PSTPIP2: variants seen among roughly 807,000 people sequenced by gnomAD.
The protein encoded by PSTPIP2 is proline-serine-threonine phosphatase interacting protein 2.
PSTPIP2 carries 33 observed loss-of-function variants against 63.3 expected under a neutral mutation model. That is an observed-to-expected ratio of 0.52 (90% CI 0.40 to 0.70). PSTPIP2 has a LOEUF of 0.70. Among genes scored for constraint, PSTPIP2 ranks in the 30% least tolerant of loss-of-function variants. PSTPIP2 has a pLI of 0.00. For synonymous variants in PSTPIP2, 125 were observed against 132.7 expected (o/e 0.94, Z 0.40); for missense variants, 312 against 400.7 (o/e 0.78, Z 1.89).
intron 8 of PSTPIP2, 24 bp from the exon 9 acceptor site, chr18:45,997,852 G>T: frequency 6.2e-7 from 1 of 1,604,778 alleles, no homozygotes. Flanking sequence ...GAGAGACCTG[G>T]GTCAGAAACT....
rs778732813 is a variant in PSTPIP2, at chr18:45,991,886, G to T, written c.920+16C>A. 1 of 1,567,728 alleles carries T rather than the reference G, an allele frequency of 6.4e-7. No homozygotes were observed. Among genetic ancestry groups the T allele is most frequent in the Admixed American group, 1.8e-5 (1 of 56,592 alleles). ...TAAAAGTATTTTTCTTCATATGAAA[G>T]GCAGCTGGTTATTACCTTGCCAAGT... On this transcript the variant is annotated intron_variant, in intron 12 of 14. Coordinates refer to ENST00000409746, the MANE Select transcript of PSTPIP2 (RefSeq NM_024430.4).
chr18:46,061,814 A>G (rs562940748), intron 1 of PSTPIP2, among the ~76,000 whole-genome samples: 1 of 152,308 alleles, frequency 6.6e-6, no homozygotes, highest in East Asian at 1.9e-4. Flanking sequence ...TGGGACAGAG[A>G]AAACAATATC....
At position 45,997,834 on chromosome 18, in the gene PSTPIP2, A is replaced by G; in HGVS notation, c.563-6T>C. ...GTGCAGCATGTATGCTTTGTCTGCA[A>G]CAGAAGGGAGAGACCTGGGTCAGAA... is the stretch of plus-strand genomic sequence containing the variant. On this transcript the variant is annotated splice_region_variant and splice_polypyrimidine_tract_variant and intron_variant, in intron 8 of 14. Coordinates refer to ENST00000409746, the MANE Select transcript of PSTPIP2 (RefSeq NM_024430.4). 6.2e-7 allele frequency: 1 copy of G among 1,608,324 alleles called. No individual in the cohort carries two copies. Among genetic ancestry groups the G allele is most frequent in the South Asian group, 1.1e-5 (1 of 90,926 alleles).
At position 46,067,466 on chromosome 18, in the gene PSTPIP2, G is replaced by A. The variant is rs1158699214; in HGVS notation, c.33+4690C>T. On this transcript the variant is annotated intron_variant, in intron 1 of 14. Transcript: ENST00000409746. Reference sequence around the variant, plus strand: ...TGCAGTGACCCGAGATCGCACCACTGGACTCCAGCCTGGGCAACAGGGCGA... The same window carrying A: ...TGCAGTGACCCGAGATCGCACCACTAGACTCCAGCCTGGGCAACAGGGCGA... 4.1e-5 allele frequency among the ~76,000 whole-genome samples: 6 copies of A among 147,566 alleles called. No individual in the cohort carries two copies. In the Admixed American group the frequency reaches 4.1e-4, roughly 10 times the overall value.
intron 2 of PSTPIP2, among the ~76,000 whole-genome samples, chr18:46,037,308 C>T (rs1242556048): frequency 6.6e-6 from 1 of 152,018 alleles, no homozygotes; most frequent in East Asian, 1.9e-4. Flanking sequence ...ACACCATGCC[C>T]AGCTAATTTT....
chr18:46,051,915 C>A (rs1005556333), intron 1 of PSTPIP2, among the ~76,000 whole-genome samples: 1 of 152,156 alleles, frequency 6.6e-6, no homozygotes, highest in African/African-American at 2.4e-5. Flanking sequence ...ATCATATTAC[C>A]GGGCAAATCA....
At chr18:46,008,955 T>G (rs1189563950) in intron 5 of PSTPIP2, among the ~76,000 whole-genome samples, 1 of 152,148 alleles carries the variant, frequency 6.6e-6, no homozygotes, top group Non-Finnish European at 1.5e-5. Flanking sequence ...GTCCTTCTTT[T>G]GGGAGGCCTT....
chr18:46,047,844 G>A (rs1244285318), intron 1 of PSTPIP2, among the ~76,000 whole-genome samples: 1 of 152,182 alleles, frequency 6.6e-6, no homozygotes, highest in Non-Finnish European at 1.5e-5. Context: ...AATGGATTTA[G>A]TATTCATTTG....
chr18:46,054,663 A>ATT (rs567708908), intron 1 of PSTPIP2, among the ~76,000 whole-genome samples: 132 of 142,152 alleles, frequency 9.3e-4, no homozygotes, highest in African/African-American at 3.0e-3. Context: ...AAACCTACTA[A>ATT]TTTTTTTTTT....
intron 5 of PSTPIP2, among the ~76,000 whole-genome samples, chr18:46,009,738 C>G (rs1449210374): frequency 6.6e-6 from 1 of 152,190 alleles, no homozygotes; most frequent in African/African-American, 2.4e-5. Context: ...GGAAATGATT[C>G]TCCTCTCCTC....
chr18:46,025,943 C>T (rs533452959), intron 2 of PSTPIP2, among the ~76,000 whole-genome samples: 36 of 152,204 alleles, frequency 2.4e-4, no homozygotes, highest in African/African-American at 8.7e-4. Flanking sequence ...TTAGTGGAGA[C>T]AAAGTTTCAC....
chr18:46,002,408 C>T lies in PSTPIP2; in HGVS notation c.418-2874G>A, dbSNP rs950582797. On this transcript the variant is annotated intron_variant, in intron 6 of 14. Coordinates refer to ENST00000409746, the MANE Select transcript of PSTPIP2 (RefSeq NM_024430.4). ...CTTATAGTGCAAAAAGTCCCTGAGG[C>T]TCTGTTAATTTTTTTCAGCTTATTT... is the stretch of plus-strand genomic sequence containing the variant. Among the ~76,000 whole-genome samples, 6 of 152,084 alleles carry T rather than the reference C, an allele frequency of 3.9e-5. No individual in the cohort carries two copies. In the East Asian group the frequency reaches 1.2e-3, roughly 29 times the overall value.
At chr18:46,069,855 A>C (rs1264569628) in intron 1 of PSTPIP2, among the ~76,000 whole-genome samples, 5 of 151,998 alleles carry the variant, frequency 3.3e-5, no homozygotes, top group Admixed American at 6.6e-5. Context: ...AGAGGCATGC[A>C]CTAAGAGTGC....
At chr18:46,040,925 C>G (rs981929018) in intron 1 of PSTPIP2, 1 of 442,326 alleles carries the variant, frequency 2.3e-6, no homozygotes, top group Non-Finnish European at 4.6e-6. Flanking sequence ...GGCGCCCACT[C>G]CAGCCTTCTG....
At chr18:46,016,549 G>C (rs1339058598) in intron 3 of PSTPIP2, among the ~76,000 whole-genome samples, 1 of 152,028 alleles carries the variant, frequency 6.6e-6, no homozygotes, top group Non-Finnish European at 1.5e-5. Context: ...AGTCCTACAA[G>C]ACAGACCTTA....
At chr18:46,006,360 CTT>C (rs756384731) in intron 5 of PSTPIP2, among the ~76,000 whole-genome samples, 5 of 115,628 alleles carry the variant, frequency 4.3e-5, no homozygotes, top group East Asian at 2.6e-4. Flanking sequence ...AGCCCTGGTA[CTT>C]TTTTTTTTTT....
intron 1 of PSTPIP2, among the ~76,000 whole-genome samples, chr18:46,041,658 C>A (rs920861069): frequency 6.6e-6 from 1 of 152,156 alleles, no homozygotes; most frequent in African/African-American, 2.4e-5. Flanking sequence ...AAAAATCAAG[C>A]CAACAAGTCC....
At chr18:46,064,278 C>CTTTTTT (rs1909092961) in intron 1 of PSTPIP2, among the ~76,000 whole-genome samples, 2 of 113,034 alleles carry the variant, frequency 1.8e-5, no homozygotes, top group African/African-American at 3.4e-5. Flanking sequence ...CTTTCTTTTT[C>CTTTTTT]TTTCTTTTTT....
chr18:45,985,440 A>G lies in PSTPIP2; in HGVS notation c.*19T>C, dbSNP rs1380877821. The G allele has an allele frequency of 1.9e-6, 3 of 1,613,298 alleles. No homozygotes were observed. The African/African-American group carries it at 4.0e-5, about 22-fold the overall frequency. On this transcript the variant is annotated 3_prime_UTR_variant, in exon 15 of 15. Coordinates refer to ENST00000409746, the MANE Select transcript of PSTPIP2 (RefSeq NM_024430.4). ...TATCACAGAAGCACTAGCCGGAAAA[A>G]GCTCTGGTTTCTGAAAGAAAATAAC...
Sources: gnomAD v4.1 joint callset for allele counts (sites outside exome capture counted in the v4.1 genomes callset) on GRCh38, gnomAD v4.1.1 for gene constraint, MANE v1.5 for transcripts, NCBI Gene and HGNC (gene_info 2026-07-23, HGNC 2026-07-21) for gene names.